Variants in NEBL observed in about 807,000 individuals in gnomAD.
The protein encoded by NEBL is LIM and SH3 protein 2.
A neutral mutation model predicts 140.2 loss-of-function variants in NEBL; 122 were observed. The observed-to-expected ratio is 0.87, with a 90% CI of 0.75 to 1.01. NEBL has a LOEUF of 1.01. NEBL is among the 50% of genes least tolerant of loss of function. The probability of loss-of-function intolerance (pLI) is 0.00; values close to 1 mark genes in which losing one functional copy is unlikely to be tolerated. For synonymous variants in NEBL, 436 were observed against 398.9 expected, an observed-to-expected ratio of 1.09 and a Z score of -1.11; for missense variants, 1,365 against 1,231.3, an observed-to-expected ratio of 1.11 and a Z score of -1.62.
At chr10:20,883,973 C>T (rs780979207) in intron 4 of NEBL, among the ~76,000 whole-genome samples, 3 of 151,974 alleles carry the variant, frequency 2.0e-5, no homozygotes, top group Non-Finnish European at 4.4e-5. Flanking sequence ...ATAAATTTGC[C>T]GATAAATTTG....
chr10:21,281,134 A>C (rs1588596334), intron 1 of NEBL, among the ~76,000 whole-genome samples: 1 of 152,230 alleles, frequency 6.6e-6, no homozygotes, highest in East Asian at 1.9e-4. Flanking sequence ...CCTGGGATTC[A>C]CCAGACCTGG....
rs879306514 is a variant in NEBL, at chr10:20,860,561, C to CAAAAAAAAAAAAAAAAAAAAAAAAAAA, written c.685-736_685-735insTTTTTTTTTTTTTTTTTTTTTTTTTTT. 3.2e-5 allele frequency among the ~76,000 whole-genome samples: 2 copies of CAAAAAAAAAAAAAAAAAAAAAAAAAAA among 61,938 alleles called. 1 individual carries two copies. The highest frequency in any genetic ancestry group is 5.7e-5 in the Non-Finnish European group (2 of 34,790). The allele number at this position is 61,938 out of a possible 152,430, so 40.6% of individuals were successfully genotyped here. A position where few individuals can be genotyped will look rare whatever the true frequency, so the allele number is the denominator to read the frequency against. On this transcript the variant is annotated intron_variant, in intron 7 of 27. Coordinates refer to ENST00000377122, the MANE Select transcript of NEBL (RefSeq NM_006393.3). ...TTAGAATATAAACACAAGTTCACTACAAAAAGAAAAAAAAAAAAAAAAAAA... is the reference window on the plus strand; with the variant it reads ...TTAGAATATAAACACAAGTTCACTACAAAAAAAAAAAAAAAAAAAAAAAAAAAAAAAAGAAAAAAAAAAAAAAAAAAA...
At chr10:21,253,060 G>A (rs1213024845) in intron 1 of NEBL, among the ~76,000 whole-genome samples, 2 of 152,124 alleles carry the variant, frequency 1.3e-5, no homozygotes, top group Non-Finnish European at 1.5e-5. Context: ...GCAAGAGTTC[G>A]AGACCAGTCT....
At chr10:20,914,128 C>T (rs1025445535) in intron 4 of NEBL, among the ~76,000 whole-genome samples, 48 of 152,294 alleles carry the variant, frequency 3.2e-4, no homozygotes, top group African/African-American at 1.0e-3. Context: ...GGAGAGGAAA[C>T]ACACTGGTCA....
At chr10:21,087,701 G>A (rs1259565443) in intron 2 of NEBL, among the ~76,000 whole-genome samples, 2 of 152,198 alleles carry the variant, frequency 1.3e-5, no homozygotes, top group Non-Finnish European at 2.9e-5. Flanking sequence ...AATTAGTTCC[G>A]CTGTTTGAGG....
intron 2 of NEBL, among the ~76,000 whole-genome samples, chr10:21,127,516 G>A (rs1323190409): frequency 6.6e-6 from 1 of 151,028 alleles, no homozygotes; most frequent in Non-Finnish European, 1.5e-5. Context: ...CTCCCAATGA[G>A]ATATACTGGA....
chr10:20,921,763 GCACA>G (rs1304740229), intron 4 of NEBL, among the ~76,000 whole-genome samples: 3 of 148,732 alleles, frequency 2.0e-5, no homozygotes, highest in Non-Finnish European at 3.0e-5. Flanking sequence ...ACATATCCAT[GCACA>G]CACATACATG....
At chr10:20,819,648 G>A in intron 19 of NEBL, 132 bp from the exon 20 acceptor site, 1 of 1,116,208 alleles carries the variant, frequency 9.0e-7, no homozygotes, top group South Asian at 1.3e-5. Context: ...GGATTTCATA[G>A]TGAAATATGT....
rs143116496 is a variant in NEBL, at chr10:20,836,263, C to T, written c.1339-640G>A. On this transcript the variant is annotated intron_variant, in intron 13 of 27. Coordinates refer to ENST00000377122, the MANE Select transcript of NEBL (RefSeq NM_006393.3). ...GTTTTGACAGAGTCTTGCTCTCTCG[C>T]GCAGGCTGGAGTGCAGTGGCGTGAT... Among the ~76,000 whole-genome samples, 751 of 152,054 alleles carry T rather than the reference C, an allele frequency of 4.9e-3. 4 individuals carry two copies. The highest frequency in any genetic ancestry group is 0.017 in the Middle Eastern group (5 of 294).
In NEBL at chr10:20,952,934, AAAAAG is replaced by A. The variant is rs1162097594; in HGVS notation, c.357+8733_357+8737del. 1.8e-4 allele frequency among the ~76,000 whole-genome samples: 27 copies of A among 151,186 alleles called. 1 individual carries two copies. The highest frequency in any genetic ancestry group is 6.2e-4 in the South Asian group (3 of 4,812). On this transcript the variant is annotated intron_variant, in intron 4 of 6. Transcript: ENST00000417816. The stretch of plus-strand genomic sequence containing the variant: ...AAAAAAAAAAAAAAAAAGAAAAAGA[AAAAAG>A]AAAAGAAAAGAAAAGAAAAAACAAG...
intron 2 of NEBL, among the ~76,000 whole-genome samples, chr10:21,046,657 G>A (rs1171191091): frequency 6.6e-6 from 1 of 152,184 alleles, no homozygotes; most frequent in Non-Finnish European, 1.5e-5. Context: ...CTGGAGTGCA[G>A]TGGTGCGATC....
At chr10:20,836,262 G>A (rs140810972) in intron 13 of NEBL, among the ~76,000 whole-genome samples, 118 of 151,968 alleles carry the variant, frequency 7.8e-4, no homozygotes, top group African/African-American at 2.5e-3. Flanking sequence ...TTGCTCTCTC[G>A]CGCAGGCTGG....
chr10:21,291,936 C>T (rs1340033131), intron 1 of NEBL, among the ~76,000 whole-genome samples: 4 of 152,048 alleles, frequency 2.6e-5, no homozygotes, highest in African/African-American at 9.7e-5. Flanking sequence ...AAAGAAAAAC[C>T]TTATTTGTTT....
At chr10:21,241,963 A>G (rs1019949008) in intron 3 of NEBL, among the ~76,000 whole-genome samples, 21 of 152,164 alleles carry the variant, frequency 1.4e-4, no homozygotes, top group Non-Finnish European at 3.1e-4. Flanking sequence ...GCACTTTGGG[A>G]GGCTGAGGTG....
At chr10:20,819,183 C>CA in intron 20 of NEBL, 1 of 870,136 alleles carries the variant, frequency 1.1e-6, no homozygotes, top group Non-Finnish European at 1.6e-6. Flanking sequence ...GCCCAGTACT[C>CA]AACAGTTACT....
At position 21,042,705 on chromosome 10, in the gene NEBL, C is replaced by A. The variant is rs761897631; in HGVS notation, c.165-22504G>T. 4.0e-4 allele frequency among the ~76,000 whole-genome samples: 61 copies of A among 152,272 alleles called. 1 individual carries two copies. Among genetic ancestry groups the A allele is most frequent in the East Asian group, 3.9e-4 (2 of 5,176 alleles). On this transcript the variant is annotated intron_variant, in intron 2 of 6. Coordinates refer to the NEBL transcript ENST00000417816. ...AAAATCGCAAACACTGCAAATCAGG[C>A]CTTTTTGTTCTCTGAGAGAGCTGGT...
At position 21,120,393 on chromosome 10, in the gene NEBL, C is replaced by CATATATATATAT. The variant is rs1201775144; in HGVS notation, c.164+51978_164+51989dup. 7.0e-3 allele frequency among the ~76,000 whole-genome samples: 414 copies of CATATATATATAT among 59,462 alleles called. 10 individuals carry two copies. Among genetic ancestry groups the CATATATATATAT allele is most frequent in the South Asian group, 9.0e-3 (12 of 1,332 alleles). 39.0% of individuals were successfully genotyped at this position (59,462 alleles called of 152,430 possible). ...GTGTCTCAAAAAAAAAAAAAAAATA[C>CATATATATATAT]ATATATATATATATATATATATATA... On this transcript the variant is annotated intron_variant, in intron 2 of 6. Coordinates refer to the NEBL transcript ENST00000417816.
intron 3 of NEBL, among the ~76,000 whole-genome samples, chr10:21,237,061 C>T (rs1842363227): frequency 6.6e-6 from 1 of 152,226 alleles, no homozygotes; most frequent in South Asian, 2.1e-4. Flanking sequence ...ATCACTTACA[C>T]TCCTTGAACT....
chr10:21,015,269 C>T (rs1473096087), intron 3 of NEBL, among the ~76,000 whole-genome samples: 4 of 152,156 alleles, frequency 2.6e-5, no homozygotes, highest in East Asian at 1.9e-4. Flanking sequence ...GGCTTGCCCC[C>T]GCTCCCCTGC....
Sources: allele counts gnomAD v4.1 joint callset (sites outside exome capture counted in the v4.1 genomes callset), GRCh38; gene constraint gnomAD v4.1.1; transcripts MANE v1.5; gene names NCBI Gene and HGNC (gene_info 2026-07-23, HGNC 2026-07-21).